QSER1: variants seen among roughly 807,000 people sequenced by gnomAD.
QSER1 encodes the protein glutamine and serine-rich protein 1.
QSER1 carries 49 observed loss-of-function variants against 158.5 expected under a neutral mutation model. That is an observed-to-expected ratio of 0.31 (90% confidence interval 0.25 to 0.39). The LOEUF is 0.39. Ranked by LOEUF, QSER1 falls within the 10% of genes least tolerant of loss-of-function variation. The probability of loss-of-function intolerance (pLI) is 1.00; values close to 1 mark genes in which losing one functional copy is unlikely to be tolerated. For missense variants in QSER1, 1,754 were observed against 2,010.3 expected, an observed-to-expected ratio of 0.87 and a Z score of 2.44; for synonymous variants, 650 against 715.5, an observed-to-expected ratio of 0.91 and a Z score of 1.46.
At chr11:32,938,798 A>G (rs180686922) in intron 4 of QSER1, among the ~76,000 whole-genome samples, 30 of 152,324 alleles carry the variant, frequency 2.0e-4, no homozygotes, top group Admixed American at 3.9e-4. Context: ...AGAATTATTT[A>G]CATATTTACT....
intron 1 of QSER1, among the ~76,000 whole-genome samples, chr11:32,895,463 T>C (rs897874823): frequency 1.3e-5 from 2 of 152,228 alleles, no homozygotes; most frequent in Non-Finnish European, 2.9e-5. Context: ...TTCAGTTATA[T>C]CAAAAATGGC....
In QSER1 at chr11:32,933,991, T is replaced by TCAG. The variant is rs1333254652; in HGVS notation, c.2739_2741dup (p.Gln914dup). The stretch of plus-strand genomic sequence containing the variant: ...TTATTCAAAGCAATGGTGATCATTC[T>TCAG]CAGCAGCAACTCCATCCTCAAAATT... On this transcript the variant is annotated inframe_insertion, in exon 4 of 13. Coordinates refer to ENST00000650167, the MANE Select transcript of QSER1 (RefSeq NM_001076786.3). 2 of 1,613,842 alleles carry TCAG rather than the reference T, an allele frequency of 1.2e-6. No homozygotes were observed. The highest frequency in any genetic ancestry group is 2.2e-5 in the South Asian group (2 of 91,002).
intron 11 of QSER1, among the ~76,000 whole-genome samples, chr11:32,974,618 CA>C (rs1423245490): frequency 6.6e-6 from 1 of 152,054 alleles, no homozygotes; most frequent in African/African-American, 2.4e-5. Context: ...TTCATTCTTT[CA>C]GAAAAATTTT....
At position 32,933,826 on chromosome 11, in the gene QSER1, A is replaced by AGATTCTGCCTGT. The variant is rs1420393941; in HGVS notation, c.2573_2584dup (p.Ser858_Asp861dup). On this transcript the variant is annotated inframe_insertion, in exon 4 of 13. Transcript: ENST00000650167. ...CTCTTCCTAATACACAGGTCCTTTT[A>AGATTCTGCCTGT]GATTCTGCCTGTGATTTACAAATTC... The AGATTCTGCCTGT allele has an allele frequency of 6.2e-7, 1 of 1,613,626 alleles. No individual in the cohort carries two copies.
chr11:32,946,267 C>T (rs1852330384), intron 4 of QSER1, among the ~76,000 whole-genome samples: 1 of 152,208 alleles, frequency 6.6e-6, no homozygotes. Context: ...CAGCTTTGTT[C>T]CCTTACTGGT....
At chr11:32,959,945 TTTG>T (rs1852591867) in intron 8 of QSER1, among the ~76,000 whole-genome samples, 1 of 152,074 alleles carries the variant, frequency 6.6e-6, no homozygotes, top group Non-Finnish European at 1.5e-5. Context: ...AATTTTAATC[TTTG>T]TAGACACAGG....
chr11:32,974,899 A>G (rs896838147), intron 11 of QSER1, among the ~76,000 whole-genome samples: 4 of 152,306 alleles, frequency 2.6e-5, no homozygotes, highest in African/African-American at 9.6e-5. Context: ...CCTGGGGGAA[A>G]ACATTAAAAA....
At position 32,934,026 on chromosome 11, in the gene QSER1, T is replaced by G. The variant is rs746528148; in HGVS notation, c.2768T>G (p.Met923Arg). Reference protein sequence around the residue: ...QQLHPQNSEVMKMDLSESSKP... With the variant: ...QQLHPQNSEVRKMDLSESSKP... ...CTCCATCCTCAAAATTCTGAAGTTA[T>G]GAAAATGGACCTCTCTGAGTCTTCA... The change falls in exon 4 of 13, where the codon ATG becomes AGG. Residue 923 changes from methionine (M) to arginine (R), a missense_variant. Physicochemically the swap from Met to Arg is moderately conservative, Grantham distance 91. Around this residue, in one of 2 missense-constraint regions of QSER1, gnomAD observed 1,707 missense variants for 1,919.6 expected, o/e 0.89. Coordinates refer to ENST00000650167, the MANE Select transcript of QSER1 (RefSeq NM_001076786.3). 1.2e-6 allele frequency: 2 copies of G among 1,613,676 alleles called. No individual in the cohort carries two copies. The highest frequency in any genetic ancestry group is 1.7e-6 in the Non-Finnish European group (2 of 1,179,900).
intron 8 of QSER1, among the ~76,000 whole-genome samples, chr11:32,960,718 C>T (rs916355662): frequency 3.3e-5 from 5 of 152,202 alleles, no homozygotes; most frequent in African/African-American, 9.7e-5. Flanking sequence ...ATTATAGTTT[C>T]TTCAAATGAC....
chr11:32,918,958 C>G (rs1851868512), intron 1 of QSER1, among the ~76,000 whole-genome samples: 1 of 152,074 alleles, frequency 6.6e-6, no homozygotes, highest in South Asian at 2.1e-4. Flanking sequence ...TTCCCATACA[C>G]CCCCCACCTA....
intron 1 of QSER1, among the ~76,000 whole-genome samples, chr11:32,905,221 T>C (rs1851677725): frequency 1.3e-5 from 2 of 152,366 alleles, no homozygotes; most frequent in Admixed American, 6.5e-5. Flanking sequence ...GTGTGATCAC[T>C]GATCCTGTTT....
rs183558161 is a variant in QSER1, at chr11:32,932,818, G to A, written c.1560G>A (p.Thr520=). Residue 520 remains threonine, a synonymous_variant, in exon 4 of 13, where the codon ACG becomes ACA. Transcript: ENST00000650167. ...SSQTVTPENQ[T]LNYSSNQQEV... ...AGACTGTAACTCCTGAAAATCAGAC[G>A]CTTAATTATTCATCTAATCAGCAAG... 5,285 of 1,613,848 alleles carry A rather than the reference G, an allele frequency of 3.3e-3. 10 individuals are homozygous for A. Among genetic ancestry groups the A allele is most frequent in the Non-Finnish European group, 4.2e-3 (4,901 of 1,179,888 alleles).
chr11:32,976,341 C>T lies in QSER1; in HGVS notation c.5462C>T (p.Ser1821Leu), dbSNP rs779728370. Residue 1821 changes from serine (S) to leucine (L), a missense_variant, in exon 13 of 13, where the codon TCG (serine) becomes TTG (leucine). Around this residue, in one of 2 missense-constraint regions of QSER1, gnomAD observed 47 missense variants for 90.7 expected, o/e 0.52. Transcript: ENST00000650167. ...VYLICKDEIS[S>L]VQKKNEDLGQ... Reference sequence around the variant, plus strand: ...GCGATTTTCTTTTTTTAGATTTCTTCGGTGCAGAAAAAAAATGAAGATTTA... The same window carrying T: ...GCGATTTTCTTTTTTTAGATTTCTTTGGTGCAGAAAAAAAATGAAGATTTA... 1.1e-5 allele frequency: 17 copies of T among 1,580,460 alleles called. No individual in the cohort carries two copies. The highest frequency in any genetic ancestry group is 2.0e-5 in the Admixed American group (1 of 50,242).
chr11:32,979,425 C>T lies in QSER1; in HGVS notation c.*2951C>T, dbSNP rs1378357314. 1 of 152,202 alleles carries T rather than the reference C, an allele frequency of 6.6e-6. No homozygotes were observed. The highest frequency in any genetic ancestry group is 6.6e-5 in the Admixed American group (1 of 15,246). 9.4% of individuals were successfully genotyped at this position (152,202 alleles called of 1,614,324 possible). On this transcript the variant is annotated 3_prime_UTR_variant, in exon 13 of 13. Coordinates refer to ENST00000650167, the MANE Select transcript of QSER1 (RefSeq NM_001076786.3). ...GATGAGTGGCTGCTGAAGGGGCCCC[C>T]TTGTCATTTTCATTATAACCCAATT...
chr11:32,955,206 A>G, intron 5 of QSER1, 90 bp from the exon 6 acceptor site: 2 of 680,702 alleles, frequency 2.9e-6, no homozygotes, highest in South Asian at 3.6e-5. Context: ...GAGCTAGGGT[A>G]GGCCTTTCAG....
chr11:32,932,891 G>C lies in QSER1; in HGVS notation c.1633G>C (p.Asp545His). The change falls in exon 4 of 13, where the codon GAT becomes CAT. Residue 545 changes from aspartate to histidine, a missense_variant. By Grantham distance (81) the Asp-to-His change is moderately conservative. Around this residue, in one of 2 missense-constraint regions of QSER1, gnomAD observed 1,707 missense variants for 1,919.6 expected, o/e 0.89. Coordinates refer to ENST00000650167, the MANE Select transcript of QSER1 (RefSeq NM_001076786.3). ...TNENYPAQTR[D>H]LSSVSQSQSY... is the part of the protein sequence containing the mutation. The stretch of plus-strand genomic sequence containing the variant: ...TGAGAATTACCCTGCTCAAACAAGA[G>C]ATCTGTCTTCAGTAAGTCAGTCTCA... The C allele has an allele frequency of 6.2e-7, 1 of 1,614,036 alleles. No homozygotes were observed. The highest frequency in any genetic ancestry group is 8.5e-7 in the Non-Finnish European group (1 of 1,179,988).
At chr11:32,955,747 CT>C (rs1218962984) in intron 6 of QSER1, among the ~76,000 whole-genome samples, 3 of 151,988 alleles carry the variant, frequency 2.0e-5, no homozygotes, top group Admixed American at 6.6e-5. Flanking sequence ...TACCAGAAGA[CT>C]GATGGAAGTT....
At chr11:32,900,586 G>A (rs947765570) in intron 1 of QSER1, among the ~76,000 whole-genome samples, 1 of 151,518 alleles carries the variant, frequency 6.6e-6, no homozygotes, top group African/African-American at 2.4e-5. Flanking sequence ...ATGACTTATC[G>A]TGGCCTACAA....
Position 32,958,038 on chromosome 11 carries a change from C to G in QSER1, c.4921C>G (p.Gln1641Glu), listed in dbSNP as rs1223689909. The G allele has an allele frequency of 1.2e-6, 2 of 1,614,150 alleles. No homozygotes were observed. Among genetic ancestry groups the G allele is most frequent in the Non-Finnish European group, 1.7e-6 (2 of 1,180,024 alleles). Residue 1641 changes from glutamine to glutamate, a missense_variant, in exon 8 of 13, where the codon CAA (glutamine) becomes GAA (glutamate). This residue lies in a region of QSER1 where 1,707 missense variants were observed against 1,919.6 expected (regional missense o/e 0.89). Transcript: ENST00000650167. ...ATGGAAAGAAGAATTTTCATCATCC[C>G]AATCTGACTCATCTCCTGAGATCCA... ...KKWKEEFSSSQSDSSPEIHTS... is the reference protein window; with the variant it reads ...KKWKEEFSSSESDSSPEIHTS...
Sources: gnomAD v4.1 joint callset for allele counts (sites outside exome capture counted in the v4.1 genomes callset) on GRCh38, gnomAD v4.1.1 for gene constraint, gnomAD v4.1.1 regional missense constraint, MANE v1.5 for transcripts, NCBI Gene and HGNC (gene_info 2026-07-23, HGNC 2026-07-21) for gene names.